Variants in ADAMTS12 observed in about 807,000 individuals in gnomAD.
ADAMTS12 encodes ADAM metallopeptidase with thrombospondin type 1 motif 12, also known as A disintegrin and metalloproteinase with thrombospondin motifs 12.
ADAMTS12 carries 118 observed loss-of-function variants against 167.8 expected under a neutral mutation model. That is an observed-to-expected ratio of 0.70 (90% CI 0.61 to 0.82). ADAMTS12 has a LOEUF of 0.82. ADAMTS12 is among the 40% of genes least tolerant of loss of function. The pLI, the probability that ADAMTS12 is intolerant of heterozygous loss-of-function variation, is 0.00. For synonymous variants in ADAMTS12, 704 were observed against 716.9 expected, an observed-to-expected ratio of 0.98 and a Z score of 0.29; for missense variants, 1,916 against 1,998.8, an observed-to-expected ratio of 0.96 and a Z score of 0.79.
chr5:33,660,434 T>G (rs1176622167), intron 6 of ADAMTS12, among the ~76,000 whole-genome samples: 1 of 152,182 alleles, frequency 6.6e-6, no homozygotes, highest in East Asian at 1.9e-4. Context: ...AATGGAACAA[T>G]GGCTGTTCTA....
In ADAMTS12 at chr5:33,549,241, G is replaced by T. The variant is rs762198957; in HGVS notation, c.4268C>A (p.Pro1423His). The change falls in exon 21 of 24, where the codon CCC becomes CAC. Residue 1423 changes from proline to histidine, a missense_variant. By Grantham distance (77) the Pro-to-His change is moderately conservative (BLOSUM62 -2). Transcript: ENST00000504830. ...PPLSMSCNPE[P>H]CEAWQVEPWS... Reference sequence around the variant, plus strand: ...AGGCTCCACCTGCCACGCCTCACAGGGCTCCGGGTTACAGCTCATGCTCAA... The same window carrying T: ...AGGCTCCACCTGCCACGCCTCACAGTGCTCCGGGTTACAGCTCATGCTCAA... The T allele has an allele frequency of 6.2e-7, 1 of 1,614,166 alleles. No homozygotes were observed. Among genetic ancestry groups the T allele is most frequent in the East Asian group, 2.2e-5 (1 of 44,882 alleles).
chr5:33,711,158 A>T (rs1743389496), intron 3 of ADAMTS12, among the ~76,000 whole-genome samples: 1 of 152,030 alleles, frequency 6.6e-6, no homozygotes, highest in South Asian at 2.1e-4. Context: ...TTTTACACAG[A>T]ACTCACAACC....
intron 16 of ADAMTS12, among the ~76,000 whole-genome samples, chr5:33,600,803 C>T (rs1484725345): frequency 6.6e-6 from 1 of 152,130 alleles, no homozygotes; most frequent in African/African-American, 2.4e-5. Context: ...AAAATGATAA[C>T]AATTCTGTGA....
chr5:33,651,364 A>G (rs1374792372), intron 7 of ADAMTS12, among the ~76,000 whole-genome samples: 2 of 152,248 alleles, frequency 1.3e-5, no homozygotes, highest in Non-Finnish European at 2.9e-5. Flanking sequence ...TCAAAATAAA[A>G]GTAAAATTAT....
intron 23 of ADAMTS12, among the ~76,000 whole-genome samples, chr5:33,528,282 G>C (rs1743918207): frequency 6.6e-6 from 1 of 152,178 alleles, no homozygotes; most frequent in East Asian, 1.9e-4. Flanking sequence ...AAACTTGGGG[G>C]TGGTAAGGAA....
At chr5:33,744,550 A>C (rs1008306241) in intron 3 of ADAMTS12, among the ~76,000 whole-genome samples, 1 of 152,190 alleles carries the variant, frequency 6.6e-6, no homozygotes, top group Non-Finnish European at 1.5e-5. Context: ...CTGACTTCTA[A>C]TGGAAGACAT....
intron 2 of ADAMTS12, among the ~76,000 whole-genome samples, chr5:33,862,659 T>A (rs182023376): frequency 4.4e-4 from 67 of 152,074 alleles, no homozygotes; most frequent in African/African-American, 1.5e-3. Context: ...TTCCAAACAA[T>A]TGAAAAAGAG....
intron 3 of ADAMTS12, among the ~76,000 whole-genome samples, chr5:33,709,096 GA>G (rs1219833146): frequency 4.6e-5 from 7 of 152,016 alleles, no homozygotes; most frequent in African/African-American, 1.4e-4. Context: ...CAACAAACAT[GA>G]AAAAAAGCTC....
intron 2 of ADAMTS12, among the ~76,000 whole-genome samples, chr5:33,767,237 T>C (rs557394952): frequency 1.3e-5 from 2 of 152,330 alleles, no homozygotes; most frequent in South Asian, 4.1e-4. Context: ...AAGAAATACA[T>C]ATGTTTTAAT....
At chr5:33,811,361 C>T (rs1747454263) in intron 2 of ADAMTS12, among the ~76,000 whole-genome samples, 1 of 152,102 alleles carries the variant, frequency 6.6e-6, no homozygotes, top group East Asian at 1.9e-4. Flanking sequence ...AAGGTGAAAT[C>T]CAAAGCATGG....
Position 33,576,726 on chromosome 5 carries a change from C to A in ADAMTS12, c.3300G>T (p.Gln1100His). The A allele has an allele frequency of 5.6e-6, 9 of 1,614,202 alleles. No individual in the cohort carries two copies. The highest frequency in any genetic ancestry group is 7.6e-6 in the Non-Finnish European group (9 of 1,180,034). The stretch of plus-strand genomic sequence containing the variant: ...AACTGGAAACATTTTCCTCACTTGG[C>A]TGAATGCTCAAGGATTGGGAAGTGA... ...PILTSQSLSI[Q>H]PSEENVSSSD... The change falls in exon 19 of 24, where the codon CAG becomes CAT. Residue 1100 changes from glutamine (Q) to histidine (H), a missense_variant. Gln to His is a conservative substitution (Grantham distance 24). Coordinates refer to ENST00000504830, the MANE Select transcript of ADAMTS12 (RefSeq NM_030955.4).
intron 2 of ADAMTS12, among the ~76,000 whole-genome samples, chr5:33,752,909 T>C (rs1170246115): frequency 6.6e-6 from 1 of 152,214 alleles, no homozygotes; most frequent in Non-Finnish European, 1.5e-5. Context: ...TTCCAAAATG[T>C]TTGCTTCACT....
chr5:33,686,739 G>C (rs1689707672), intron 3 of ADAMTS12, among the ~76,000 whole-genome samples: 1 of 151,004 alleles, frequency 6.6e-6, no homozygotes, highest in Non-Finnish European at 1.5e-5. Context: ...TGAAGACACA[G>C]CAGGAAGATA....
chr5:33,631,299 C>T (rs115876922), intron 12 of ADAMTS12, among the ~76,000 whole-genome samples: 9 of 152,052 alleles, frequency 5.9e-5, no homozygotes, highest in South Asian at 4.1e-4. Context: ...TCCAGGCAAG[C>T]GGGATGCCTG....
At chr5:33,631,254 T>C (rs937828968) in intron 12 of ADAMTS12, among the ~76,000 whole-genome samples, 3 of 152,154 alleles carry the variant, frequency 2.0e-5, no homozygotes, top group Non-Finnish European at 4.4e-5. Flanking sequence ...GGGGTTAGCT[T>C]AGAAAATAAG....
At chr5:33,725,085 A>G (rs1403856699) in intron 3 of ADAMTS12, among the ~76,000 whole-genome samples, 1 of 152,180 alleles carries the variant, frequency 6.6e-6, no homozygotes, top group Non-Finnish European at 1.5e-5. Flanking sequence ...TGACTGCAGC[A>G]TGGCTCATCA....
chr5:33,743,719 C>A (rs968178597), intron 3 of ADAMTS12, among the ~76,000 whole-genome samples: 3 of 152,144 alleles, frequency 2.0e-5, no homozygotes, highest in African/African-American at 7.2e-5. Flanking sequence ...ATCCATCCAA[C>A]CATCCATCCA....
At chr5:33,602,107 C>T (rs1278882761) in intron 16 of ADAMTS12, among the ~76,000 whole-genome samples, 1 of 152,124 alleles carries the variant, frequency 6.6e-6, no homozygotes, top group Non-Finnish European at 1.5e-5. Flanking sequence ...CAGAGCACAC[C>T]GAGCAAGGCA....
At chr5:33,777,105 A>T (rs1419168374) in intron 2 of ADAMTS12, among the ~76,000 whole-genome samples, 1 of 152,118 alleles carries the variant, frequency 6.6e-6, no homozygotes, top group Admixed American at 6.6e-5. Context: ...TTTAAAGAGA[A>T]ATTAACACCA....
Sources: gnomAD v4.1 joint callset for allele counts (sites outside exome capture counted in the v4.1 genomes callset) on GRCh38, gnomAD v4.1.1 for gene constraint, MANE v1.5 for transcripts, NCBI Gene and HGNC (gene_info 2026-07-23, HGNC 2026-07-21) for gene names.